DPP10: variants seen among roughly 807,000 people sequenced by gnomAD.
DPP10 encodes inactive dipeptidyl peptidase 10.
DPP10 carries 33 observed loss-of-function variants against 120.9 expected under a neutral mutation model. The ratio of observed to expected loss-of-function variants is 0.27; its 90% CI spans 0.21 to 0.37. The LOEUF (loss-of-function observed/expected upper bound fraction) is 0.37, where lower values mean the gene tolerates loss of function less well. DPP10 is among the 10% of genes least tolerant of loss of function. The probability of loss-of-function intolerance (pLI) is 1.00; values close to 1 mark genes in which losing one functional copy is unlikely to be tolerated. For missense variants in DPP10, 816 were observed against 942.8 expected (o/e 0.87, Z 1.76); for synonymous variants, 337 against 326.1 (o/e 1.03, Z -0.36).
Position 115,836,208 on chromosome 2 carries a change from T to C in DPP10, c.2002T>C (p.Phe668Leu). Residue 668 changes from phenylalanine to leucine, a missense_variant, in exon 22 of 26, where the codon TTT becomes CTT. Transcript: ENST00000410059. The stretch of plus-strand genomic sequence containing the variant: ...GATCTTAAAATCAGATGAAAAGCTT[T>C]TTAAATGTGGATCCGTGGTTGCACC... Reference protein sequence around the residue: ...SMILKSDEKLFKCGSVVAPIT... With the variant: ...SMILKSDEKLLKCGSVVAPIT... 6.2e-7 allele frequency: 1 copy of C among 1,608,988 alleles called. No homozygotes were observed. Among genetic ancestry groups the C allele is most frequent in the Non-Finnish European group, 8.5e-7 (1 of 1,178,200 alleles).
At chr2:115,459,174 T>TG (rs1367989620) in intron 3 of DPP10, among the ~76,000 whole-genome samples, 2 of 152,050 alleles carry the variant, frequency 1.3e-5, no homozygotes, top group Non-Finnish European at 2.9e-5. Context: ...TTTTTTTTTT[T>TG]TAGTCTGGGT....
intron 1 of DPP10, among the ~76,000 whole-genome samples, chr2:114,866,362 GA>G (rs143100072): frequency 4.0e-5 from 6 of 150,260 alleles, no homozygotes; most frequent in South Asian, 4.2e-4. Context: ...ACATACATGT[GA>G]AAAAAAAATC....
At chr2:115,518,968 G>C (rs1232307424) in intron 4 of DPP10, among the ~76,000 whole-genome samples, 1 of 152,068 alleles carries the variant, frequency 6.6e-6, no homozygotes, top group Non-Finnish European at 1.5e-5. Context: ...ACAATTTGAA[G>C]AATCATTAGA....
At chr2:115,064,536 T>TAGGGGGTTA (rs765214438) in intron 1 of DPP10, 64 of 576,842 alleles carry the variant, frequency 1.1e-4, no homozygotes, top group Non-Finnish European at 1.5e-4. Flanking sequence ...GTCTGGCTGA[T>TAGGGGGTTA]AGGGGGTTAA....
chr2:115,271,958 A>C (rs1053617791), intron 1 of DPP10, among the ~76,000 whole-genome samples: 1 of 152,218 alleles, frequency 6.6e-6, no homozygotes, highest in African/African-American at 2.4e-5. Flanking sequence ...GTTATCTTAA[A>C]ATCCTTTTAG....
At chr2:115,372,826 T>C (rs2065509219) in intron 3 of DPP10, among the ~76,000 whole-genome samples, 1 of 152,178 alleles carries the variant, frequency 6.6e-6, no homozygotes, top group South Asian at 2.1e-4. Flanking sequence ...CTGGCAGGTT[T>C]GTACTGGAAT....
intron 5 of DPP10, among the ~76,000 whole-genome samples, chr2:115,624,662 G>C (rs1212927130): frequency 6.6e-6 from 1 of 152,150 alleles, no homozygotes; most frequent in African/African-American, 2.4e-5. Context: ...ACTTATTTCA[G>C]TTATTGTGAA....
At chr2:115,689,211 A>G (rs2091175866) in intron 5 of DPP10, among the ~76,000 whole-genome samples, 1 of 152,174 alleles carries the variant, frequency 6.6e-6, no homozygotes, top group Non-Finnish European at 1.5e-5. Flanking sequence ...TATAAGGGGT[A>G]GAATTCTCAC....
At chr2:114,735,435 T>C (rs933975220) in intron 1 of DPP10, among the ~76,000 whole-genome samples, 10 of 152,322 alleles carry the variant, frequency 6.6e-5, no homozygotes, top group African/African-American at 2.2e-4. Flanking sequence ...TTCAAGACTC[T>C]AGAAAATGTA....
chr2:114,448,743 C>A (rs1032206047), intron 1 of DPP10, among the ~76,000 whole-genome samples: 2 of 152,130 alleles, frequency 1.3e-5, no homozygotes, highest in African/African-American at 4.8e-5. Context: ...CAGAATGATA[C>A]TTAGGGTTAT....
intron 3 of DPP10, among the ~76,000 whole-genome samples, chr2:115,499,160 T>C (rs2076554588): frequency 6.6e-6 from 1 of 152,108 alleles, no homozygotes; most frequent in African/African-American, 2.4e-5. Flanking sequence ...TACTGGATCA[T>C]CATCAGTAAT....
intron 1 of DPP10, among the ~76,000 whole-genome samples, chr2:114,890,512 C>A (rs1348052805): frequency 6.6e-6 from 1 of 152,104 alleles, no homozygotes; most frequent in African/African-American, 2.4e-5. Flanking sequence ...GCATTGGATC[C>A]ACAAATGCAG....
chr2:115,050,511 A>G (rs1179734213), intron 1 of DPP10, among the ~76,000 whole-genome samples: 2 of 151,924 alleles, frequency 1.3e-5, no homozygotes, highest in Non-Finnish European at 2.9e-5. Context: ...TTCACAGGCA[A>G]ATATAATAGT....
chr2:115,696,678 C>G (rs2091608547), intron 7 of DPP10, among the ~76,000 whole-genome samples: 1 of 152,054 alleles, frequency 6.6e-6, no homozygotes, highest in Non-Finnish European at 1.5e-5. Flanking sequence ...AAATAAAGAT[C>G]CCGGTAAATG....
intron 1 of DPP10, among the ~76,000 whole-genome samples, chr2:114,664,827 GAT>G (rs1697783052): frequency 1.3e-5 from 2 of 150,856 alleles, no homozygotes; most frequent in African/African-American, 4.9e-5. Context: ...GCATCCAAAA[GAT>G]GGCAGAGAGC....
intron 1 of DPP10, among the ~76,000 whole-genome samples, chr2:114,661,781 T>C (rs1160389807): frequency 6.6e-6 from 1 of 152,176 alleles, no homozygotes; most frequent in Non-Finnish European, 1.5e-5. Flanking sequence ...CTTGGTACTT[T>C]ATGAGAATGT....
intron 3 of DPP10, among the ~76,000 whole-genome samples, chr2:115,358,399 A>G (rs552231438): frequency 6.6e-6 from 1 of 152,238 alleles, no homozygotes; most frequent in South Asian, 2.1e-4. Context: ...ATCTGAAACC[A>G]CCTCAGCCTG....
chr2:115,324,271 G>A (rs999401793), intron 2 of DPP10, among the ~76,000 whole-genome samples: 21 of 152,058 alleles, frequency 1.4e-4, no homozygotes, highest in African/African-American at 3.1e-4. Context: ...GCGACACTCC[G>A]TCTCAAAAAA....
intron 5 of DPP10, among the ~76,000 whole-genome samples, chr2:115,654,264 C>T (rs1371040404): frequency 6.6e-6 from 1 of 151,644 alleles, no homozygotes; most frequent in African/African-American, 2.4e-5. Context: ...AGGCAACATA[C>T]TCAATAGTAC....
Sources: allele counts gnomAD v4.1 joint callset (sites outside exome capture counted in the v4.1 genomes callset), GRCh38; gene constraint gnomAD v4.1.1; transcripts MANE v1.5; gene names NCBI Gene and HGNC (gene_info 2026-07-23, HGNC 2026-07-21).